The following CTNNA3 variants were observed in gnomAD, a reference collection of about 807,000 sequenced individuals.
The protein encoded by CTNNA3 is catenin alpha 3, also known as catenin alpha-3.
In CTNNA3, 76 loss-of-function variants were observed where a neutral mutation model predicts 95.7. That is an observed-to-expected ratio of 0.79 (90% CI 0.66 to 0.96). The LOEUF (loss-of-function observed/expected upper bound fraction) is 0.96. CTNNA3 is among the 40% of genes least tolerant of loss of function. The pLI is 0.00. For missense variants in CTNNA3, 1,191 were observed against 1,089.8 expected (o/e 1.09, Z -1.31); for synonymous variants, 431 against 374.4 (o/e 1.15, Z -1.74).
intron 3 of CTNNA3, among the ~76,000 whole-genome samples, chr10:67,596,994 T>C (rs1410417756): frequency 6.6e-6 from 1 of 152,208 alleles, no homozygotes; most frequent in Non-Finnish European, 1.5e-5. Flanking sequence ...TCTGACTGAG[T>C]TGTTTCAAAG....
At chr10:66,309,430 C>T (rs2091976447) in intron 12 of CTNNA3, among the ~76,000 whole-genome samples, 1 of 151,946 alleles carries the variant, frequency 6.6e-6, no homozygotes, top group African/African-American at 2.4e-5. Context: ...CAGTGGCTCA[C>T]GCCTGTAATC....
chr10:66,478,585 T>C (rs1342691165), intron 11 of CTNNA3, among the ~76,000 whole-genome samples: 1 of 151,962 alleles, frequency 6.6e-6, no homozygotes, highest in African/African-American at 2.4e-5. Context: ...AGCTAATTTT[T>C]TAAAATTTGG....
chr10:65,964,736 G>T (rs1288151692), intron 17 of CTNNA3, among the ~76,000 whole-genome samples: 1 of 152,074 alleles, frequency 6.6e-6, no homozygotes, highest in Non-Finnish European at 1.5e-5. Flanking sequence ...AAAAGTAAAT[G>T]GAAGAGTTTA....
intron 5 of CTNNA3, among the ~76,000 whole-genome samples, chr10:67,278,359 T>C (rs1839267226): frequency 6.6e-6 from 1 of 152,162 alleles, no homozygotes; most frequent in East Asian, 1.9e-4. Flanking sequence ...CTTGGTTTTA[T>C]ATATTTTGGG....
At chr10:66,929,801 G>A (rs1473847164) in intron 7 of CTNNA3, among the ~76,000 whole-genome samples, 6 of 152,180 alleles carry the variant, frequency 3.9e-5, no homozygotes, top group East Asian at 1.9e-4. Flanking sequence ...ACTGCAGCAC[G>A]AATATCATAG....
intron 16 of CTNNA3, among the ~76,000 whole-genome samples, chr10:65,974,839 C>T (rs2078181030): frequency 6.6e-6 from 1 of 151,908 alleles, no homozygotes; most frequent in Non-Finnish European, 1.5e-5. Context: ...GTGATATAAT[C>T]AATACTTTTA....
At chr10:66,526,567 G>A (rs1841268413) in intron 10 of CTNNA3, among the ~76,000 whole-genome samples, 1 of 152,100 alleles carries the variant, frequency 6.6e-6, no homozygotes, top group Non-Finnish European at 1.5e-5. Context: ...TATCTGCAAT[G>A]CCCAAGAGTT....
At chr10:67,558,877 G>A (rs370118313) in intron 3 of CTNNA3, among the ~76,000 whole-genome samples, 123 of 152,280 alleles carry the variant, frequency 8.1e-4, no homozygotes, top group African/African-American at 2.5e-3. Context: ...ACGGAGTCTC[G>A]CTGATTGCTA....
intron 5 of CTNNA3, among the ~76,000 whole-genome samples, chr10:67,408,914 A>C (rs994340823): frequency 6.7e-6 from 1 of 149,312 alleles, no homozygotes; most frequent in Non-Finnish European, 1.5e-5. Context: ...ATTATAAAGT[A>C]GGCAAAGGAC....
chr10:67,001,516 T>C (rs984876584), intron 7 of CTNNA3, among the ~76,000 whole-genome samples: 1 of 151,716 alleles, frequency 6.6e-6, no homozygotes, highest in Admixed American at 6.6e-5. Flanking sequence ...TAGAGGAATA[T>C]AGAATTTTTC....
At chr10:66,981,790 A>G (rs1019280891) in intron 7 of CTNNA3, among the ~76,000 whole-genome samples, 8 of 152,226 alleles carry the variant, frequency 5.3e-5, no homozygotes, top group Admixed American at 2.0e-4. Context: ...GAGAAACTAC[A>G]GGTTCCTTCA....
chr10:66,646,037 C>T (rs2132396101), intron 9 of CTNNA3, among the ~76,000 whole-genome samples: 1 of 152,162 alleles, frequency 6.6e-6, no homozygotes, highest in South Asian at 2.1e-4. Flanking sequence ...ACTATTTTTG[C>T]TATTCATTGT....
At chr10:66,312,144 T>G (rs1463537063) in intron 12 of CTNNA3, among the ~76,000 whole-genome samples, 1 of 152,194 alleles carries the variant, frequency 6.6e-6, no homozygotes, top group Non-Finnish European at 1.5e-5. Flanking sequence ...ATTTTTCTCA[T>G]TTTTTAGTAC....
In CTNNA3 at chr10:66,598,591, G is replaced by A. The variant is rs568714440; in HGVS notation, c.1374+23101C>T. On this transcript the variant is annotated intron_variant, in intron 10 of 17. Transcript: ENST00000433211. ...AGGATTCAGAACATATGAAGAATCA[G>A]TTGAGTATCTATACACTAATGATGA... 2.3e-3 allele frequency among the ~76,000 whole-genome samples: 350 copies of A among 152,050 alleles called. 1 individual carries two copies. Among genetic ancestry groups the A allele is most frequent in the African/African-American group, 7.9e-3 (330 of 41,514 alleles).
intron 11 of CTNNA3, among the ~76,000 whole-genome samples, chr10:66,435,127 C>A (rs2093327655): frequency 6.6e-6 from 1 of 151,832 alleles, no homozygotes; most frequent in African/African-American, 2.4e-5. Flanking sequence ...TGTGTTTCTG[C>A]CAGGTTTTGG....
chr10:67,725,898 T>C (rs1265655340), intron 1 of CTNNA3, among the ~76,000 whole-genome samples: 1 of 139,746 alleles, frequency 7.2e-6, no homozygotes, highest in Non-Finnish European at 1.5e-5. Flanking sequence ...ATATATAATA[T>C]ATATAATTAT....
At chr10:67,538,834 T>A (rs1282478598) in intron 4 of CTNNA3, among the ~76,000 whole-genome samples, 1 of 152,194 alleles carries the variant, frequency 6.6e-6, no homozygotes, top group African/African-American at 2.4e-5. Context: ...CCTTTTCATC[T>A]GAACACTACT....
At chr10:67,374,152 A>T (rs1843601764) in intron 5 of CTNNA3, among the ~76,000 whole-genome samples, 1 of 152,204 alleles carries the variant, frequency 6.6e-6, no homozygotes, top group African/African-American at 2.4e-5. Context: ...AGAGCCAGAT[A>T]CTAAATATTT....
At chr10:67,541,000 A>G (rs1019817334) in intron 3 of CTNNA3, among the ~76,000 whole-genome samples, 2 of 151,864 alleles carry the variant, frequency 1.3e-5, no homozygotes, top group East Asian at 3.8e-4. Flanking sequence ...ATGAGTATTA[A>G]ATAAGAGTAC....
Sources: gnomAD v4.1 joint callset for allele counts (sites outside exome capture counted in the v4.1 genomes callset) on GRCh38, gnomAD v4.1.1 for gene constraint, MANE v1.5 for transcripts, NCBI Gene and HGNC (gene_info 2026-07-23, HGNC 2026-07-21) for gene names.